Variants in CPEB3 observed in about 807,000 individuals in gnomAD.
CPEB3 encodes cytoplasmic polyadenylation element binding protein 3, also known as cytoplasmic polyadenylation element-binding protein 3.
Under a neutral mutation model 67.2 loss-of-function variants are expected in CPEB3, and 20 were observed. The ratio of observed to expected loss-of-function variants is 0.30; its 90% confidence interval spans 0.21 to 0.43. The LOEUF (loss-of-function observed/expected upper bound fraction) is 0.43, where lower values mean the gene tolerates loss of function less well. CPEB3 is among the 20% of genes least tolerant of loss of function. CPEB3 has a pLI of 1.00. For synonymous variants in CPEB3, 376 were observed against 393.1 expected (o/e 0.96, Z 0.51); for missense variants, 746 against 968.6 (o/e 0.77, Z 3.05).
chr10:92,092,714 A>AGGT (rs1843671694), intron 7 of CPEB3, among the ~76,000 whole-genome samples: 1 of 151,882 alleles, frequency 6.6e-6, no homozygotes, highest in Non-Finnish European at 1.5e-5. Flanking sequence ...CAGCAGGTAG[A>AGGT]GGTTGCAGTG....
intron 9 of CPEB3, among the ~76,000 whole-genome samples, chr10:92,076,010 C>T: frequency 6.6e-6 from 1 of 152,134 alleles, no homozygotes; most frequent in East Asian, 1.9e-4. Context: ...TTCATTGTTC[C>T]AACACTTAAT....
At chr10:92,232,713 G>A (rs536463097) in intron 2 of CPEB3, among the ~76,000 whole-genome samples, 23 of 150,494 alleles carry the variant, frequency 1.5e-4, no homozygotes, top group Middle Eastern at 6.8e-3. Context: ...AGCAGAGACC[G>A]TGCCACTGCA....
chr10:92,170,909 C>T (rs1370778514), intron 4 of CPEB3, among the ~76,000 whole-genome samples: 1 of 152,170 alleles, frequency 6.6e-6, no homozygotes, highest in Non-Finnish European at 1.5e-5. Flanking sequence ...GAGATTTCTA[C>T]AACTGTATAT....
intron 2 of CPEB3, chr10:92,216,823 G>T: frequency 6.2e-7 from 1 of 1,603,900 alleles, no homozygotes; most frequent in South Asian, 1.1e-5. Flanking sequence ...GGCACCTGCC[G>T]CTGGAAGCTA....
At chr10:92,221,919 A>G (rs1174885168) in intron 2 of CPEB3, among the ~76,000 whole-genome samples, 2 of 152,202 alleles carry the variant, frequency 1.3e-5, no homozygotes, top group African/African-American at 4.8e-5. Context: ...GAAGCAGAGA[A>G]CGAGCCTTTA....
At chr10:92,140,756 T>C (rs2133811974) in intron 6 of CPEB3, among the ~76,000 whole-genome samples, 1 of 121,322 alleles carries the variant, frequency 8.2e-6, no homozygotes, top group South Asian at 3.2e-4. Context: ...ATATCCAGAA[T>C]CTACAATGAA....
chr10:92,178,526 G>T (rs1052113913), intron 4 of CPEB3, among the ~76,000 whole-genome samples: 1 of 152,028 alleles, frequency 6.6e-6, no homozygotes, highest in African/African-American at 2.4e-5. Context: ...GACAAAAAGT[G>T]TTAGGGCAAC....
intron 6 of CPEB3, among the ~76,000 whole-genome samples, chr10:92,120,130 G>T (rs1420836379): frequency 9.9e-6 from 1 of 100,670 alleles, no homozygotes; most frequent in Non-Finnish European, 2.0e-5. Context: ...AAATTGCTAC[G>T]CCGGGTGCGG....
chr10:92,213,966 C>T (rs1433011241), intron 2 of CPEB3, among the ~76,000 whole-genome samples: 5 of 152,122 alleles, frequency 3.3e-5, no homozygotes, highest in Admixed American at 2.6e-4. Context: ...TCCCCAAAAT[C>T]ACCAAACAGA....
intron 3 of CPEB3, among the ~76,000 whole-genome samples, chr10:92,182,136 TATC>T (rs781079759): frequency 1.3e-5 from 2 of 152,236 alleles, no homozygotes; most frequent in Non-Finnish European, 2.9e-5. Flanking sequence ...TGTCAAGGGT[TATC>T]ATGAAATTCT....
intron 4 of CPEB3, among the ~76,000 whole-genome samples, chr10:92,171,914 C>T (rs1848020708): frequency 6.6e-6 from 1 of 152,196 alleles, no homozygotes; most frequent in Admixed American, 6.5e-5. Flanking sequence ...CCGCACCCAG[C>T]CTTGGTGTAT....
intron 1 of CPEB3, among the ~76,000 whole-genome samples, chr10:92,252,094 T>G (rs1852327472): frequency 6.6e-6 from 1 of 151,332 alleles, no homozygotes; most frequent in South Asian, 2.1e-4. Context: ...TATAAAGGAC[T>G]CCTACAAATC....
intron 1 of CPEB3, among the ~76,000 whole-genome samples, chr10:92,256,763 A>G (rs1852534286): frequency 6.6e-6 from 1 of 152,178 alleles, no homozygotes; most frequent in African/African-American, 2.4e-5. Flanking sequence ...GCTTTCCTTG[A>G]CCATGTAAGC....
At chr10:92,257,149 A>G (rs1425593901) in intron 1 of CPEB3, among the ~76,000 whole-genome samples, 1 of 152,220 alleles carries the variant, frequency 6.6e-6, no homozygotes, top group Non-Finnish European at 1.5e-5. Context: ...AATTCAGTAT[A>G]ATTTACCTTT....
At chr10:92,258,064 T>C (rs1444647539) in intron 1 of CPEB3, among the ~76,000 whole-genome samples, 1 of 150,686 alleles carries the variant, frequency 6.6e-6, no homozygotes, top group East Asian at 2.0e-4. Context: ...TAATATTAAG[T>C]CCCTTTTAAC....
At chr10:92,196,276 C>A (rs996374508) in intron 2 of CPEB3, among the ~76,000 whole-genome samples, 1 of 152,314 alleles carries the variant, frequency 6.6e-6, no homozygotes, top group Middle Eastern at 3.4e-3. Context: ...GAGCAGCAGG[C>A]AATAAACAAG....
chr10:92,280,291 C>A (rs985603283), intron 1 of CPEB3, among the ~76,000 whole-genome samples: 3 of 135,246 alleles, frequency 2.2e-5, no homozygotes, highest in Non-Finnish European at 4.6e-5. Context: ...TGCAGTGAAC[C>A]GAGATTGTGC....
intron 7 of CPEB3, among the ~76,000 whole-genome samples, chr10:92,093,189 C>T (rs1003158257): frequency 3.3e-5 from 5 of 152,152 alleles, no homozygotes; most frequent in African/African-American, 1.2e-4. Context: ...CTCTGAGAAG[C>T]GGGCTGGGTG....
At chr10:92,246,170 C>G (rs1311596561) in intron 1 of CPEB3, among the ~76,000 whole-genome samples, 6 of 151,224 alleles carry the variant, frequency 4.0e-5, no homozygotes, top group Non-Finnish European at 5.9e-5. Flanking sequence ...CCCGTCTCTA[C>G]TAAAAATACA....
Sources: gnomAD v4.1 joint callset for allele counts (sites outside exome capture counted in the v4.1 genomes callset) on GRCh38, gnomAD v4.1.1 for gene constraint, MANE v1.5 for transcripts, NCBI Gene and HGNC (gene_info 2026-07-23, HGNC 2026-07-21) for gene names.